The following POU2AF1 variants were observed in gnomAD, a reference collection of about 807,000 sequenced individuals.
POU2AF1 encodes the protein POU domain class 2-associating factor 1.
Under a neutral mutation model 26.3 loss-of-function variants are expected in POU2AF1, and 12 were observed. The ratio of observed to expected loss-of-function variants is 0.46; its 90% CI spans 0.29 to 0.74. The LOEUF (loss-of-function observed/expected upper bound fraction) is 0.74. POU2AF1 is among the 30% of genes least tolerant of loss of function. The pLI is 0.09. For missense variants in POU2AF1, 297 were observed against 334.5 expected, an observed-to-expected ratio of 0.89 and a Z score of 0.87; for synonymous variants, 175 against 148.0, an observed-to-expected ratio of 1.18 and a Z score of -1.32.
At chr11:111,355,291 C>A (rs555339000) in intron 4 of POU2AF1, among the ~76,000 whole-genome samples, 1 of 152,386 alleles carries the variant, frequency 6.6e-6, no homozygotes, top group African/African-American at 2.4e-5. Flanking sequence ...CCCCCCATGA[C>A]CCTCCAAGTG....
Position 111,357,831 on chromosome 11 carries a change from G to A in POU2AF1, c.154C>T (p.Leu52=). The A allele has an allele frequency of 1.2e-6, 2 of 1,610,602 alleles. No individual in the cohort carries two copies. Among genetic ancestry groups the A allele is most frequent in the Non-Finnish European group, 1.7e-6 (2 of 1,178,698 alleles). Residue 52 remains leucine (L), a synonymous_variant, in exon 3 of 5, where the codon CTG becomes TTG. Coordinates refer to ENST00000393067, the MANE Select transcript of POU2AF1 (RefSeq NM_006235.3). ...GAAPAPTAVV[L]PHQPLATYTT... ...TAGGTCGCCAGGGGCTGATGGGGCAGCACCACCTAGAGGGGAGAGGAGAAG... is the reference window on the plus strand; with the variant it reads ...TAGGTCGCCAGGGGCTGATGGGGCAACACCACCTAGAGGGGAGAGGAGAAG...
chr11:111,377,359 A>G (rs1861328563), intron 1 of POU2AF1, among the ~76,000 whole-genome samples: 1 of 151,884 alleles, frequency 6.6e-6, no homozygotes, highest in Non-Finnish European at 1.5e-5. Context: ...CAGCCTGGGC[A>G]ACAGAGCAAC....
chr11:111,359,957 G>A (rs1007364579), intron 1 of POU2AF1: 1 of 518,896 alleles, frequency 1.9e-6, no homozygotes, highest in African/African-American at 1.9e-5. Flanking sequence ...CAGGGCATGG[G>A]ACAATTACCC....
At chr11:111,367,784 C>G (rs1304187341) in intron 1 of POU2AF1, among the ~76,000 whole-genome samples, 3 of 152,220 alleles carry the variant, frequency 2.0e-5, no homozygotes, top group Admixed American at 2.0e-4. Flanking sequence ...TGTCAGCAGC[C>G]TTCTCACATG....
chr11:111,362,461 C>T (rs1463471057), intron 1 of POU2AF1, among the ~76,000 whole-genome samples: 1 of 152,210 alleles, frequency 6.6e-6, no homozygotes. Flanking sequence ...TCCCACTCCC[C>T]CTGCTGCCCT....
intron 1 of POU2AF1, among the ~76,000 whole-genome samples, chr11:111,363,609 C>T (rs1300714123): frequency 6.6e-6 from 1 of 152,144 alleles, no homozygotes; most frequent in African/African-American, 2.4e-5. Context: ...TTCAAAACAA[C>T]TAAACTGGAA....
At chr11:111,367,618 G>T (rs1351539861) in intron 1 of POU2AF1, among the ~76,000 whole-genome samples, 5 of 21,906 alleles carry the variant, frequency 2.3e-4, no homozygotes, top group Non-Finnish European at 8.5e-4. Context: ...GACACTGCAG[G>T]TTAATCATCA....
rs35577660 is a variant in POU2AF1, at chr11:111,354,232, AG to A, written c.*28del. ...AGGCTCATTTTAAAATCCCAGTTTC[AG>A]GGAACAGGACTCAGGTGGGAGCCAC... is the stretch of plus-strand genomic sequence containing the variant. On this transcript the variant is annotated 3_prime_UTR_variant, in exon 5 of 5. Coordinates refer to ENST00000393067, the MANE Select transcript of POU2AF1 (RefSeq NM_006235.3). The A allele has an allele frequency of 2.5e-6, 4 of 1,601,410 alleles. No individual in the cohort carries two copies. The highest frequency in any genetic ancestry group is 3.4e-6 in the Non-Finnish European group (4 of 1,175,766).
intron 2 of POU2AF1, among the ~76,000 whole-genome samples, chr11:111,358,410 T>A (rs117753060): frequency 0.032 from 837 of 26,076 alleles, 18 homozygotes; most frequent in African/African-American, 0.068. Context: ...ACATACTCTC[T>A]CACACACACG....
At chr11:111,362,766 G>T (rs920967713) in intron 1 of POU2AF1, among the ~76,000 whole-genome samples, 1 of 152,132 alleles carries the variant, frequency 6.6e-6, no homozygotes, top group Non-Finnish European at 1.5e-5. Flanking sequence ...GGGTTACTTG[G>T]GGGGGTCTGA....
intron 1 of POU2AF1, among the ~76,000 whole-genome samples, chr11:111,368,396 G>T (rs534675217): frequency 6.6e-5 from 10 of 152,208 alleles, no homozygotes; most frequent in African/African-American, 1.9e-4. Context: ...GAATCCTAAG[G>T]GTGTGTCACT....
chr11:111,354,542 G>A lies in POU2AF1; in HGVS notation c.490C>T (p.Pro164Ser), dbSNP rs372214036. Residue 164 changes from proline to serine, a missense_variant, in exon 5 of 5, where the codon CCG becomes TCG. Physicochemically the swap from Pro to Ser is moderately conservative, Grantham distance 74. Transcript: ENST00000393067. ...GCCTGGTGCTCTGGGCCCTCCAGCG[G>A]GGGCCCCACTGCGGGCGTGGCGGAG... is the stretch of plus-strand genomic sequence containing the variant. Reference protein sequence around the residue: ...RSSATPAVGPPLEGPEHQAPL... With the variant: ...RSSATPAVGPSLEGPEHQAPL... 1.9e-6 allele frequency: 3 copies of A among 1,549,436 alleles called. No individual in the cohort carries two copies. In the African/African-American group the frequency reaches 4.2e-5, roughly 22 times the overall value.
rs61690439 is a variant in POU2AF1 at position 111,369,631 on chromosome 11, T to G, written c.16+9531A>C. 6.1e-3 allele frequency among the ~76,000 whole-genome samples: 924 copies of G among 152,292 alleles called. 5 individuals carry two copies. Among genetic ancestry groups the G allele is most frequent in the African/African-American group, 0.021 (857 of 41,546 alleles). ...GCAAAGCAGATTCCTGGATTACATA[T>G]TTGGCATTGCCTCAAATTTGCTGAG... On this transcript the variant is annotated intron_variant, in intron 1 of 4. Coordinates refer to ENST00000393067, the MANE Select transcript of POU2AF1 (RefSeq NM_006235.3).
Position 111,358,919 on chromosome 11 carries a change from C to T in POU2AF1, c.17-1G>A, listed in dbSNP as rs1370179898. 1 of 1,600,202 alleles carries T rather than the reference C, an allele frequency of 6.2e-7. No individual in the cohort carries two copies. The highest frequency in any genetic ancestry group is 2.2e-5 in the East Asian group (1 of 44,856). On this transcript the variant is annotated splice_acceptor_variant, in intron 1 of 4. Coordinates refer to ENST00000393067, the MANE Select transcript of POU2AF1 (RefSeq NM_006235.3). LOFTEE classifies it high-confidence loss of function. ...GCTGGGGCTTGCTCCGGAGCTGTGG[C>T]TGTGAAAAGCAATGTCCCTGGAGCC...
chr11:111,367,931 A>G (rs1256562739), intron 1 of POU2AF1, among the ~76,000 whole-genome samples: 1 of 152,182 alleles, frequency 6.6e-6, no homozygotes, highest in Non-Finnish European at 1.5e-5. Flanking sequence ...AACTGGGGTC[A>G]CCGGAGCAGA....
intron 2 of POU2AF1, among the ~76,000 whole-genome samples, chr11:111,358,362 A>ACACACT (rs1400637837): frequency 1.9e-5 from 2 of 104,360 alleles, no homozygotes; most frequent in Middle Eastern, 4.9e-3. Flanking sequence ...TCACACTCTC[A>ACACACT]CACACTCACA....
At chr11:111,363,019 C>T (rs891699298) in intron 1 of POU2AF1, 8 of 569,534 alleles carry the variant, frequency 1.4e-5, no homozygotes, top group South Asian at 7.7e-5. Context: ...GAGGGCTTCC[C>T]GCCTCCTACT....
Position 111,357,505 on chromosome 11 carries a change from C to A in POU2AF1, c.396G>T (p.Thr132=). 1 of 1,614,156 alleles carries A rather than the reference C, an allele frequency of 6.2e-7. No homozygotes were observed. Among genetic ancestry groups the A allele is most frequent in the Non-Finnish European group, 8.5e-7 (1 of 1,180,012 alleles). Reference sequence around the variant, plus strand: ...TCAACACTGAGGAGGGCCCCACCACCGTGTAGCTGGGGCACACGGGCTGCA... The same window carrying A: ...TCAACACTGAGGAGGGCCCCACCACAGTGTAGCTGGGGCACACGGGCTGCA... ...MYVQPVCPSY[T]VVGPSSVLTY... is the part of the protein sequence containing the mutation. Residue 132 remains threonine (T), a synonymous_variant, in exon 4 of 5, where the codon ACG becomes ACT. Transcript: ENST00000393067.
chr11:111,355,978 G>A (rs974297569), intron 4 of POU2AF1, among the ~76,000 whole-genome samples: 1 of 152,162 alleles, frequency 6.6e-6, no homozygotes, highest in African/African-American at 2.4e-5. Context: ...AGGTTTCTTT[G>A]CTCGGGAATA....
Sources: allele counts gnomAD v4.1 joint callset (sites outside exome capture counted in the v4.1 genomes callset), GRCh38; gene constraint gnomAD v4.1.1; transcripts MANE v1.5; gene names NCBI Gene and HGNC (gene_info 2026-07-23, HGNC 2026-07-21).